Variants in XPR1 observed in about 807,000 individuals in gnomAD.
XPR1 encodes the protein xenotropic and polytropic retrovirus receptor 1, also known as solute carrier family 53 member 1.
XPR1 carries 28 observed loss-of-function variants against 87.5 expected under a neutral mutation model. The ratio of observed to expected loss-of-function variants is 0.32; its 90% confidence interval spans 0.24 to 0.44. The LOEUF (loss-of-function observed/expected upper bound fraction) is 0.44. Among genes scored for constraint, XPR1 ranks in the 20% least tolerant of loss-of-function variants. The pLI, the probability that XPR1 is intolerant of heterozygous loss-of-function variation, is 1.00. For synonymous variants in XPR1, 300 were observed against 306.1 expected, an observed-to-expected ratio of 0.98 and a Z score of 0.21; for missense variants, 559 against 862.3, an observed-to-expected ratio of 0.65 and a Z score of 4.41.
At chr1:180,801,127 T>G (rs1018628580) in intron 3 of XPR1, among the ~76,000 whole-genome samples, 2 of 152,272 alleles carry the variant, frequency 1.3e-5, no homozygotes, top group Non-Finnish European at 2.9e-5. Flanking sequence ...AGTTAAGTGC[T>G]GCCATCTGGC....
chr1:180,718,364 A>G (rs1163386443), intron 2 of XPR1, among the ~76,000 whole-genome samples: 1 of 152,206 alleles, frequency 6.6e-6, no homozygotes, highest in Non-Finnish European at 1.5e-5. Context: ...GACCACATAA[A>G]ATAGTATTTG....
At chr1:180,850,791 C>G (rs1490879892) in intron 11 of XPR1, among the ~76,000 whole-genome samples, 1 of 151,962 alleles carries the variant, frequency 6.6e-6, no homozygotes, top group Non-Finnish European at 1.5e-5. Flanking sequence ...GACCTCATCT[C>G]TAAAAAATTA....
chr1:180,773,952 A>G lies in XPR1; in HGVS notation c.122-13801A>G, dbSNP rs529586189. Among the ~76,000 whole-genome samples, 13 of 152,304 alleles carry G rather than the reference A, an allele frequency of 8.5e-5. No homozygotes were observed. The South Asian group carries it at 2.7e-3, about 32-fold the overall frequency. ...TTCTATTTAAATATATAATCACTAA[A>G]CTTTTTTTAAAAATTGCATTTTCAT... On this transcript the variant is annotated intron_variant, in intron 2 of 14. Coordinates refer to ENST00000367590, the MANE Select transcript of XPR1 (RefSeq NM_004736.4).
chr1:180,742,848 AT>A (rs765790188), intron 2 of XPR1, among the ~76,000 whole-genome samples: 2 of 151,844 alleles, frequency 1.3e-5, no homozygotes, highest in African/African-American at 4.8e-5. Context: ...CAAAGTAATG[AT>A]TTTTTTTGAT....
At chr1:180,876,213 T>C (rs1652658470) in intron 13 of XPR1, among the ~76,000 whole-genome samples, 1 of 152,186 alleles carries the variant, frequency 6.6e-6, no homozygotes, top group Non-Finnish European at 1.5e-5. Context: ...GACATTTTAA[T>C]AAAAACTAAT....
chr1:180,764,131 A>G (rs1012990020), intron 2 of XPR1, among the ~76,000 whole-genome samples: 3 of 152,188 alleles, frequency 2.0e-5, no homozygotes, highest in Non-Finnish European at 2.9e-5. Flanking sequence ...GGTGATGCCA[A>G]ACAACCACAG....
At chr1:180,848,158 A>C (rs1381743088) in intron 11 of XPR1, among the ~76,000 whole-genome samples, 1 of 152,182 alleles carries the variant, frequency 6.6e-6, no homozygotes, top group Non-Finnish European at 1.5e-5. Flanking sequence ...TCAAACATTT[A>C]TCATTTGTGT....
chr1:180,722,684 C>G (rs1056590164), intron 2 of XPR1, among the ~76,000 whole-genome samples: 6 of 152,158 alleles, frequency 3.9e-5, no homozygotes, highest in African/African-American at 1.4e-4. Context: ...AAATGATCAT[C>G]AAAACACTGG....
At chr1:180,681,617 G>T (rs137954154) in intron 1 of XPR1, among the ~76,000 whole-genome samples, 2 of 152,320 alleles carry the variant, frequency 1.3e-5, no homozygotes, top group East Asian at 3.9e-4. Context: ...CTGCACTCCA[G>T]CCTGGGCGAC....
chr1:180,675,405 T>C (rs1457012756), intron 1 of XPR1, among the ~76,000 whole-genome samples: 5 of 152,342 alleles, frequency 3.3e-5, no homozygotes, highest in Admixed American at 1.3e-4. Context: ...TCTGGAGATA[T>C]TTAACCTTTT....
At chr1:180,754,787 G>GGT (rs1321897204) in intron 2 of XPR1, among the ~76,000 whole-genome samples, 2 of 151,986 alleles carry the variant, frequency 1.3e-5, no homozygotes, top group Non-Finnish European at 2.9e-5. Flanking sequence ...TAAAATATGT[G>GGT]GTGAGAGTAG....
intron 2 of XPR1, among the ~76,000 whole-genome samples, chr1:180,775,769 A>C (rs1307592107): frequency 6.6e-6 from 1 of 152,196 alleles, no homozygotes; most frequent in Admixed American, 6.5e-5. Flanking sequence ...ACAAAGTAGT[A>C]TTTTGTCATA....
intron 1 of XPR1, among the ~76,000 whole-genome samples, chr1:180,666,936 G>A (rs1464767297): frequency 1.4e-5 from 2 of 147,650 alleles, no homozygotes; most frequent in East Asian, 3.9e-4. Flanking sequence ...TTTTTTCCAT[G>A]ACAAGGTCTC....
chr1:180,811,527 A>G lies in XPR1; in HGVS notation c.763+39A>G, dbSNP rs767941672. ...ATTTTGAATTAATTTATTCTTACCA[A>G]TATGCCTGTGTCATATTCTGCCCCT... On this transcript the variant is annotated intron_variant, in intron 7 of 14. Transcript: ENST00000367590. 5.3e-6 allele frequency: 8 copies of G among 1,519,252 alleles called. No homozygotes were observed. The African/African-American group carries it at 5.5e-5, about 10-fold the overall frequency. The allele number at this position is 1,519,252 out of a possible 1,614,324, so 94.1% of individuals were successfully genotyped here.
At chr1:180,846,458 T>TTG (rs1193856279) in intron 11 of XPR1, among the ~76,000 whole-genome samples, 1 of 151,562 alleles carries the variant, frequency 6.6e-6, no homozygotes, top group Non-Finnish European at 1.5e-5. Flanking sequence ...TATTTTTTTT[T>TTG]TGAGATGGAA....
chr1:180,664,131 C>A (rs972243922), intron 1 of XPR1, among the ~76,000 whole-genome samples: 17 of 152,206 alleles, frequency 1.1e-4, no homozygotes, highest in African/African-American at 3.9e-4. Context: ...CTCTTTCCTA[C>A]TGTCGATGAG....
intron 2 of XPR1, among the ~76,000 whole-genome samples, chr1:180,684,752 G>T (rs1194585774): frequency 1.2e-4 from 18 of 152,126 alleles, no homozygotes; most frequent in African/African-American, 2.6e-4. Context: ...TTGAAGCAAT[G>T]GTGAATGGGA....
At chr1:180,660,080 A>G (rs536023278) in intron 1 of XPR1, among the ~76,000 whole-genome samples, 17 of 152,150 alleles carry the variant, frequency 1.1e-4, no homozygotes, top group Non-Finnish European at 2.2e-4. Flanking sequence ...GAATTTTTTC[A>G]TGGTTCACTC....
At chr1:180,783,196 G>C (rs1424417536) in intron 2 of XPR1, among the ~76,000 whole-genome samples, 2 of 151,996 alleles carry the variant, frequency 1.3e-5, no homozygotes, top group Non-Finnish European at 2.9e-5. Context: ...TGAGGCTGTA[G>C]TGAGCCATGA....
Sources: allele counts gnomAD v4.1 joint callset (sites outside exome capture counted in the v4.1 genomes callset), GRCh38; gene constraint gnomAD v4.1.1; transcripts MANE v1.5; gene names NCBI Gene and HGNC (gene_info 2026-07-23, HGNC 2026-07-21).